Variants in RANBP3 observed in about 807,000 individuals in gnomAD.
RANBP3 encodes RAN binding protein 3.
Under a neutral mutation model 77.3 loss-of-function variants are expected in RANBP3, and 14 were observed. The ratio of observed to expected loss-of-function variants is 0.18; its 90% CI spans 0.12 to 0.28. RANBP3 has a LOEUF of 0.28. Ranked by LOEUF, RANBP3 falls within the 10% of genes least tolerant of loss-of-function variation. RANBP3 has a pLI of 1.00. For missense variants in RANBP3, 586 were observed against 752.3 expected (o/e 0.78, Z 2.59); for synonymous variants, 315 against 312.4 (o/e 1.01, Z -0.09).
intron 3 of RANBP3, among the ~76,000 whole-genome samples, chr19:5,949,012 G>A (rs2058242687): frequency 6.6e-6 from 1 of 152,178 alleles, no homozygotes; most frequent in African/African-American, 2.4e-5. Flanking sequence ...TCCATGGCCA[G>A]GGTTCTGACG....
chr19:5,951,551 G>A lies in RANBP3; in HGVS notation c.124C>T (p.Arg42Trp), dbSNP rs750742840. ...TGGTGGGGGGCCTCAGCCTCCCCCC[G>A]AGGCTCCTCTCCCGAATCCGACAAG... ...KNLSDSGEEP[R>W]GEAEAPHHGT... Residue 42 changes from arginine to tryptophan, a missense_variant, in exon 3 of 17, where the codon CGG becomes TGG. This residue lies in a region of RANBP3 where 172 missense variants were observed against 183.4 expected (regional missense o/e 0.94). Transcript: ENST00000340578. The A allele has an allele frequency of 4.3e-6, 7 of 1,613,208 alleles. No individual in the cohort carries two copies. The highest frequency in any genetic ancestry group is 1.1e-5 in the South Asian group (1 of 90,916).
In RANBP3 at chr19:5,924,180, G is replaced by GA. The variant is rs1238395471; in HGVS notation, c.997-267dup. On this transcript the variant is annotated intron_variant, in intron 11 of 16. Transcript: ENST00000340578. This position sits in a 1 kb window ranked among gnomAD's most constrained non-coding sequence, Gnocchi z 4.7. ...AGACTTTGAACATTTCATTGAAATA[G>GA]AAAAAGCACAGCGTGGCCACGAAGG... Among the ~76,000 whole-genome samples the GA allele has an allele frequency of 6.6e-6, 1 of 152,230 alleles. No individual in the cohort carries two copies.
At chr19:5,977,650 G>A (rs1489198583) in intron 1 of RANBP3, among the ~76,000 whole-genome samples, 2 of 152,196 alleles carry the variant, frequency 1.3e-5, no homozygotes, top group Non-Finnish European at 2.9e-5. Flanking sequence ...GGAGATGCCG[G>A]GTGGCGGAGG....
rs199881849 is a variant in RANBP3 at position 5,931,451 on chromosome 19, C to T, written c.646G>A (p.Ala216Thr). 46 of 1,613,010 alleles carry T rather than the reference C, an allele frequency of 2.9e-5. No individual in the cohort carries two copies. Among genetic ancestry groups the T allele is most frequent in the Non-Finnish European group, 3.8e-5 (45 of 1,179,630 alleles). ...AVPAASPDTA[A>T]WRSPSEAADE... The stretch of plus-strand genomic sequence containing the variant: ...GCAGCTTCGGAAGGACTTCTCCATG[C>T]AGCAGTGTCAGGGGATGCTGCGGGC... The change falls in exon 8 of 17, where the codon GCA becomes ACA. Residue 216 changes from alanine to threonine, a missense_variant. Physicochemically the swap from Ala to Thr is moderately conservative, Grantham distance 58. Transcript: ENST00000340578.
At position 5,932,576 on chromosome 19, in the gene RANBP3, G is replaced by A. The variant is rs79849221; in HGVS notation, c.473-32C>T. The A allele has an allele frequency of 3.8e-4, 603 of 1,578,450 alleles. 6 individuals are homozygous for A. The African/African-American group carries it at 6.1e-3, about 16-fold the overall frequency. On this transcript the variant is annotated intron_variant, in intron 6 of 16. Transcript: ENST00000340578. The stretch of plus-strand genomic sequence containing the variant: ...ACAGAAGGCGGCCTTCCCAGTGCCC[G>A]TGGACCCCTGCCTGCCCCCAGGCGC...
chr19:5,947,202 T>A (rs1456395986), intron 3 of RANBP3, among the ~76,000 whole-genome samples: 1 of 151,166 alleles, frequency 6.6e-6, no homozygotes. Context: ...TAATCCCAGC[T>A]ACTCGGGAGG....
In RANBP3 at chr19:5,952,630, G is replaced by A. The variant is rs753041858; in HGVS notation, c.79-1034C>T. Among the ~76,000 whole-genome samples, 11 of 152,210 alleles carry A rather than the reference G, an allele frequency of 7.2e-5. No homozygotes were observed. The highest frequency in any genetic ancestry group is 1.5e-4 in the Non-Finnish European group (10 of 68,036). On this transcript the variant is annotated intron_variant, in intron 2 of 16. Transcript: ENST00000340578. This position sits in a 1 kb window ranked among gnomAD's most constrained non-coding sequence, Gnocchi z 4.1. ...AGGGCTGCCCCGTCTCCCCGTGGAC[G>A]TGGCTGTGCTTCTTCTTGGGTGTGA...
At chr19:5,937,475 C>T (rs2058081966) in intron 5 of RANBP3, among the ~76,000 whole-genome samples, 1 of 152,146 alleles carries the variant, frequency 6.6e-6, no homozygotes, top group Non-Finnish European at 1.5e-5. Context: ...AAGACCTGTT[C>T]CCGATAAAAG....
intron 3 of RANBP3, among the ~76,000 whole-genome samples, chr19:5,951,125 G>A (rs1341704504): frequency 6.6e-6 from 1 of 152,170 alleles, no homozygotes; most frequent in African/African-American, 2.4e-5. Flanking sequence ...CTGACCCCTC[G>A]TGTCTTTTTT....
intron 11 of RANBP3, 80 bp from the exon 12 acceptor site, chr19:5,923,994 G>T: frequency 1.8e-6 from 2 of 1,117,552 alleles, no homozygotes; most frequent in Non-Finnish European, 2.7e-6. Context: ...TCTCTGCCTG[G>T]CCCCCAACAC....
At chr19:5,925,534 C>T (rs2057893533) in intron 10 of RANBP3, 100 bp downstream of exon 10, 1 of 1,029,056 alleles carries the variant, frequency 9.7e-7, no homozygotes, top group Non-Finnish European at 1.5e-6. Context: ...GGATTCTGGG[C>T]CTGAGTCGGG....
rs2057775278 is a variant in RANBP3, at chr19:5,918,521, T to C, written c.1448A>G (p.Gln483Arg). 1.2e-6 allele frequency: 2 copies of C among 1,611,340 alleles called. No homozygotes were observed. Among genetic ancestry groups the C allele is most frequent in the African/African-American group, 1.3e-5 (1 of 74,260 alleles). Reference protein sequence around the residue: ...IRITAMDTEDQGVKVFLISAS... With the variant: ...IRITAMDTEDRGVKVFLISAS... ...CGAGATCAGGAAGACCTTCACGCCC[T>C]GGTCCTCGGTGTCCATGGCTGTGAT... Residue 483 changes from glutamine to arginine, a missense_variant, in exon 15 of 17, where the codon CAG becomes CGG. Around this residue, in one of 5 missense-constraint regions of RANBP3, gnomAD observed 128 missense variants for 157.0 expected, o/e 0.82. Coordinates refer to ENST00000340578, the MANE Select transcript of RANBP3 (RefSeq NM_007322.3).
chr19:5,965,064 G>C (rs907020694), intron 1 of RANBP3, among the ~76,000 whole-genome samples: 4 of 152,120 alleles, frequency 2.6e-5, no homozygotes, highest in African/African-American at 9.7e-5. Context: ...TCTTCCCCTG[G>C]TGGGATACAG....
chr19:5,970,629 C>T (rs978097511), intron 1 of RANBP3, among the ~76,000 whole-genome samples: 1 of 152,102 alleles, frequency 6.6e-6, no homozygotes, highest in Admixed American at 6.6e-5. Flanking sequence ...AGATGGCCAC[C>T]ACCAGCCCCA....
rs2058365477 is a variant in RANBP3 at position 5,958,764 on chromosome 19, T to C, written c.23-791A>G. Among the ~76,000 whole-genome samples the C allele has an allele frequency of 6.6e-6, 1 of 152,246 alleles. No homozygotes were observed. The highest frequency in any genetic ancestry group is 1.5e-5 in the Non-Finnish European group (1 of 68,036). ...GGAGGCGCAGACCACACCTGCCTCATGGCCTTGGGCCTGCATGCACTTTGA... is the reference window on the plus strand; with the variant it reads ...GGAGGCGCAGACCACACCTGCCTCACGGCCTTGGGCCTGCATGCACTTTGA... On this transcript the variant is annotated intron_variant, in intron 1 of 16. Transcript: ENST00000340578. The surrounding 1 kb of genome is among the most constrained non-coding windows in gnomAD (Gnocchi z 4.4).
chr19:5,948,294 C>A (rs1371669061), intron 3 of RANBP3, among the ~76,000 whole-genome samples: 2 of 151,366 alleles, frequency 1.3e-5, no homozygotes, highest in Non-Finnish European at 3.0e-5. Context: ...ACCAAAAATA[C>A]AAAAAAAATT....
Position 5,949,732 on chromosome 19 carries a change from T to C in RANBP3, c.282+1661A>G, listed in dbSNP as rs1330826772. Among the ~76,000 whole-genome samples the C allele has an allele frequency of 2.6e-5, 4 of 152,142 alleles. No homozygotes were observed. In the East Asian group the frequency reaches 5.8e-4, roughly 22 times the overall value. ...ATCAGAGCCTCAGACCCAAAGTCCA[T>C]GAGAATCAGGATGCTGAGATCTACC... is the stretch of plus-strand genomic sequence containing the variant. On this transcript the variant is annotated intron_variant, in intron 3 of 16. Coordinates refer to ENST00000340578, the MANE Select transcript of RANBP3 (RefSeq NM_007322.3).
In RANBP3 at chr19:5,957,938, G is replaced by C. The variant is rs1261653700; in HGVS notation, c.58C>G (p.Gln20Glu). 2.5e-6 allele frequency: 4 copies of C among 1,614,014 alleles called. No individual in the cohort carries two copies. In the African/African-American group the frequency reaches 5.3e-5, roughly 22 times the overall value. The change falls in exon 2 of 17, where the codon CAG becomes GAG. Residue 20 changes from glutamine (Q) to glutamate (E), a missense_variant. By Grantham distance (29) the Gln-to-Glu change is conservative. This residue lies in a region of RANBP3 where 172 missense variants were observed against 183.4 expected (regional missense o/e 0.94). Coordinates refer to ENST00000340578, the MANE Select transcript of RANBP3 (RefSeq NM_007322.3). ...PAIAPPVFVF[Q>E]KDKGQKSPAE... ...CTTACCTTTTGTCCTTTATCCTTCTGAAACACAAAGACGGGCGGAGCAATG... is the reference window on the plus strand; with the variant it reads ...CTTACCTTTTGTCCTTTATCCTTCTCAAACACAAAGACGGGCGGAGCAATG...
chr19:5,965,244 C>G (rs1388526832), intron 1 of RANBP3, among the ~76,000 whole-genome samples: 1 of 151,450 alleles, frequency 6.6e-6, no homozygotes, highest in Non-Finnish European at 1.5e-5. Context: ...CACCCTGAAC[C>G]CTGATGAAGT....
Sources: allele counts gnomAD v4.1 joint callset (sites outside exome capture counted in the v4.1 genomes callset), GRCh38; gene constraint gnomAD v4.1.1; regional missense constraint gnomAD v4.1.1; non-coding constraint Gnocchi (gnomAD v3.1); transcripts MANE v1.5; gene names NCBI Gene and HGNC (gene_info 2026-07-23, HGNC 2026-07-21).